PLD5: variants seen among roughly 807,000 people sequenced by gnomAD.
PLD5 encodes the protein phospholipase D family member 5, also known as inactive phospholipase D5.
In PLD5, 36 loss-of-function variants were observed where a neutral mutation model predicts 61.1. The observed-to-expected ratio is 0.59, with a 90% CI of 0.45 to 0.78. The LOEUF (loss-of-function observed/expected upper bound fraction) is 0.78, where lower values mean the gene tolerates loss of function less well. Among genes scored for constraint, PLD5 ranks in the 30% least tolerant of loss-of-function variants. The pLI, the probability that PLD5 is intolerant of heterozygous loss-of-function variation, is 0.00. For missense variants in PLD5, 515 were observed against 644.4 expected (o/e 0.80, Z 2.17); for synonymous variants, 243 against 242.8 (o/e 1.00, Z -0.01).
At chr1:242,279,911 A>T (rs937222340) in intron 3 of PLD5, among the ~76,000 whole-genome samples, 1 of 152,226 alleles carries the variant, frequency 6.6e-6, no homozygotes, top group Non-Finnish European at 1.5e-5. Context: ...TTCTTTTCAT[A>T]TAAGTTGAAA....
At chr1:242,200,207 C>T (rs1370594332) in intron 5 of PLD5, among the ~76,000 whole-genome samples, 1 of 152,214 alleles carries the variant, frequency 6.6e-6, no homozygotes, top group African/African-American at 2.4e-5. Flanking sequence ...CTGGCTTATA[C>T]TTGTTGGTAC....
chr1:242,162,819 C>CAAAGCATGTGCATTATTCTTAG (rs1260827540), intron 5 of PLD5, among the ~76,000 whole-genome samples: 2 of 152,112 alleles, frequency 1.3e-5, no homozygotes, highest in Non-Finnish European at 2.9e-5. Flanking sequence ...GCCAGAATCA[C>CAAAGCATGTGCATTATTCTTAG]AAAGCATGTG....
intron 4 of PLD5, among the ~76,000 whole-genome samples, chr1:242,223,421 G>A (rs1670728112): frequency 6.6e-6 from 1 of 152,204 alleles, no homozygotes; most frequent in Admixed American, 6.5e-5. Flanking sequence ...AGATCAGAAA[G>A]TGGAGTCCTT....
chr1:242,306,593 T>A (rs1676360869), intron 2 of PLD5, among the ~76,000 whole-genome samples: 1 of 152,080 alleles, frequency 6.6e-6, no homozygotes, highest in Admixed American at 6.5e-5. Flanking sequence ...AAGAAGCATT[T>A]GCTAAGATAA....
At chr1:242,283,494 TGTTG>T (rs1394314531) in intron 3 of PLD5, among the ~76,000 whole-genome samples, 2 of 152,362 alleles carry the variant, frequency 1.3e-5, no homozygotes, top group East Asian at 3.9e-4. Context: ...TTTCTGGCTC[TGTTG>T]GTTTAAAATT....
intron 1 of PLD5, among the ~76,000 whole-genome samples, chr1:242,507,357 C>T (rs533370305): frequency 6.6e-6 from 1 of 152,250 alleles, no homozygotes; most frequent in South Asian, 2.1e-4. Context: ...GCAGAAGTGA[C>T]TGAGGCCAGG....
At chr1:242,356,198 A>G (rs1242235641) in intron 1 of PLD5, among the ~76,000 whole-genome samples, 1 of 152,118 alleles carries the variant, frequency 6.6e-6, no homozygotes, top group Non-Finnish European at 1.5e-5. Context: ...TTGTATTGAA[A>G]TATACCTTTC....
At chr1:242,344,673 T>A (rs1202024438) in intron 2 of PLD5, among the ~76,000 whole-genome samples, 1 of 152,124 alleles carries the variant, frequency 6.6e-6, no homozygotes, top group Non-Finnish European at 1.5e-5. Flanking sequence ...TTTTAATCTA[T>A]GATTTTTAAG....
At chr1:242,236,090 A>T (rs557784293) in intron 4 of PLD5, among the ~76,000 whole-genome samples, 43 of 152,270 alleles carry the variant, frequency 2.8e-4, no homozygotes, top group African/African-American at 5.5e-4. Context: ...CTTACAGAAG[A>T]GGCCCCAGAG....
chr1:242,161,364 C>G (rs763509238), intron 5 of PLD5, among the ~76,000 whole-genome samples: 1 of 151,906 alleles, frequency 6.6e-6, no homozygotes, highest in African/African-American at 2.4e-5. Flanking sequence ...GGGAAAGACC[C>G]GCCCTCCCAC....
rs1195467951 is a variant in PLD5, at chr1:242,394,969, TTATATATGAA to T, written c.190-46737_190-46728del. ...TATGATTATATATGAATATATATGATTATATATGAATATATATGAATATATATGTATATAT... is the reference window on the plus strand; with the variant it reads ...TATGATTATATATGAATATATATGATTATATATGAATATATATGTATATAT... On this transcript the variant is annotated intron_variant, in intron 1 of 9. Transcript: ENST00000536534. Among the ~76,000 whole-genome samples the T allele has an allele frequency of 1.3e-3, 77 of 60,438 alleles. 18 individuals are homozygous for T. Among genetic ancestry groups the T allele is most frequent in the Admixed American group, 7.0e-3 (34 of 4,824 alleles). The allele number at this position is 60,438 out of a possible 152,430, so 39.6% of individuals were successfully genotyped here. A position where few individuals can be genotyped will look rare whatever the true frequency, so the allele number is the denominator to read the frequency against.
intron 9 of PLD5, among the ~76,000 whole-genome samples, chr1:242,093,190 C>T (rs932194942): frequency 1.3e-5 from 2 of 152,146 alleles, no homozygotes; most frequent in African/African-American, 2.4e-5. Flanking sequence ...CTCTTAGACA[C>T]GTGACTATGT....
chr1:242,462,429 C>T (rs1443148875), intron 1 of PLD5, among the ~76,000 whole-genome samples: 1 of 151,932 alleles, frequency 6.6e-6, no homozygotes, highest in African/African-American at 2.4e-5. Context: ...GAGCACACCT[C>T]AACATAAAAC....
intron 9 of PLD5, among the ~76,000 whole-genome samples, chr1:242,091,649 T>C (rs1325668500): frequency 6.6e-6 from 1 of 152,120 alleles, no homozygotes; most frequent in Non-Finnish European, 1.5e-5. Flanking sequence ...TTTAAATCGA[T>C]AGAATAATAA....
intron 2 of PLD5, among the ~76,000 whole-genome samples, chr1:242,313,450 CCTAT>C (rs1676822637): frequency 6.6e-6 from 1 of 152,124 alleles, no homozygotes; most frequent in African/African-American, 2.4e-5. Flanking sequence ...GTTCTCATTA[CCTAT>C]CTAAGGTCTA....
chr1:242,201,972 T>C (rs1027153519), intron 5 of PLD5, among the ~76,000 whole-genome samples: 1 of 151,724 alleles, frequency 6.6e-6, no homozygotes, highest in African/African-American at 2.4e-5. Context: ...CCCAGCACTT[T>C]GGGAGGCCAA....
intron 5 of PLD5, among the ~76,000 whole-genome samples, chr1:242,197,723 C>T (rs1247424335): frequency 6.6e-6 from 1 of 151,892 alleles, no homozygotes; most frequent in Non-Finnish European, 1.5e-5. Flanking sequence ...CAACCTCCGC[C>T]TCTCGGGTTC....
chr1:242,386,359 A>G (rs1662600888), intron 1 of PLD5, among the ~76,000 whole-genome samples: 1 of 152,146 alleles, frequency 6.6e-6, no homozygotes, highest in African/African-American at 2.4e-5. Flanking sequence ...ATATTTGGTG[A>G]TCACAAGCTT....
intron 5 of PLD5, among the ~76,000 whole-genome samples, chr1:242,195,317 T>C (rs1668568810): frequency 6.6e-6 from 1 of 152,212 alleles, no homozygotes; most frequent in South Asian, 2.1e-4. Flanking sequence ...GTGGGGTTTC[T>C]TGTCTCAGAG....
Sources: gnomAD v4.1 joint callset for allele counts (sites outside exome capture counted in the v4.1 genomes callset) on GRCh38, gnomAD v4.1.1 for gene constraint, MANE v1.5 for transcripts, NCBI Gene and HGNC (gene_info 2026-07-23, HGNC 2026-07-21) for gene names.